CXCL13: variants seen among roughly 807,000 people sequenced by gnomAD.
CXCL13 encodes the protein C-X-C motif chemokine ligand 13, also known as C-X-C motif chemokine 13.
In CXCL13, 7 loss-of-function variants were observed where a neutral mutation model predicts 12.2. That is an observed-to-expected ratio of 0.57 (90% CI 0.33 to 1.07). The LOEUF is 1.07. Among genes scored for constraint, CXCL13 ranks in the 50% least tolerant of loss-of-function variants. The pLI, the probability that CXCL13 is intolerant of heterozygous loss-of-function variation, is 0.04. For missense variants in CXCL13, 113 were observed against 127.4 expected, an observed-to-expected ratio of 0.89 and a Z score of 0.55; for synonymous variants, 47 against 42.4, an observed-to-expected ratio of 1.11 and a Z score of -0.42.
chr4:77,540,701 C>A (rs1363809005), intron 1 of CXCL13, among the ~76,000 whole-genome samples: 5 of 152,146 alleles, frequency 3.3e-5, no homozygotes, highest in African/African-American at 9.7e-5. Context: ...TCTATGCCTG[C>A]TATTGTGAAT....
At chr4:77,584,092 C>G (rs958517473) in intron 1 of CXCL13, among the ~76,000 whole-genome samples, 3 of 152,178 alleles carry the variant, frequency 2.0e-5, no homozygotes, top group African/African-American at 7.2e-5. Flanking sequence ...GAGGTCCATT[C>G]CATGCCATTG....
intron 1 of CXCL13, among the ~76,000 whole-genome samples, chr4:77,524,712 C>G (rs1320292557): frequency 1.3e-5 from 2 of 152,140 alleles, no homozygotes; most frequent in Non-Finnish European, 2.9e-5. Flanking sequence ...TCAGCTCACC[C>G]TCTGTGGGCT....
At chr4:77,601,570 G>T (rs947285984), upstream of CXCL13, among the ~76,000 whole-genome samples, 1 of 152,236 alleles carries the variant, frequency 6.6e-6, no homozygotes, top group Admixed American at 6.5e-5. Context: ...GAACTCTGGA[G>T]TCATAATCTC....
chr4:77,540,473 GA>G (rs1725172092), intron 1 of CXCL13, among the ~76,000 whole-genome samples: 1 of 152,054 alleles, frequency 6.6e-6, no homozygotes, highest in Non-Finnish European at 1.5e-5. Context: ...TTACGTCCAT[GA>G]GTACCCAGTG....
intron 1 of CXCL13, among the ~76,000 whole-genome samples, chr4:77,583,476 T>C (rs1726384598): frequency 1.3e-5 from 2 of 152,130 alleles, no homozygotes; most frequent in South Asian, 2.1e-4. Context: ...AGAGTAAGGG[T>C]TGGAGAACAA....
intron 1 of CXCL13, among the ~76,000 whole-genome samples, chr4:77,533,323 T>A (rs1158727278): frequency 6.6e-6 from 1 of 152,202 alleles, no homozygotes; most frequent in African/African-American, 2.4e-5. Flanking sequence ...TGCCTGGGTA[T>A]CAGCAGCAGA....
At chr4:77,543,544 A>T (rs1596231) in intron 1 of CXCL13, among the ~76,000 whole-genome samples, 2 of 151,746 alleles carry the variant, frequency 1.3e-5, no homozygotes, top group African/African-American at 4.8e-5. Flanking sequence ...AGAGATTTTC[A>T]TTGTGTCTCT....
chr4:77,588,400 T>G (rs903614828), intron 1 of CXCL13, among the ~76,000 whole-genome samples: 5 of 152,176 alleles, frequency 3.3e-5, no homozygotes, highest in African/African-American at 1.2e-4. Flanking sequence ...GGGATTCAGG[T>G]GTGACACCTG....
upstream of CXCL13, among the ~76,000 whole-genome samples, chr4:77,603,991 C>T (rs186674719): frequency 5.3e-5 from 8 of 152,180 alleles, no homozygotes; most frequent in Non-Finnish European, 1.2e-4. Flanking sequence ...TGAGCTCAGA[C>T]TTTGTGCTGT....
intron 1 of CXCL13, among the ~76,000 whole-genome samples, chr4:77,572,260 G>C (rs1726104253): frequency 6.6e-6 from 1 of 151,832 alleles, no homozygotes; most frequent in African/African-American, 2.4e-5. Context: ...AATTAGCCAG[G>C]AGTGGTGGCA....
At chr4:77,602,325 A>G (rs544593351), upstream of CXCL13, among the ~76,000 whole-genome samples, 1 of 152,330 alleles carries the variant, frequency 6.6e-6, no homozygotes, top group East Asian at 1.9e-4. Context: ...TTTTACTAAA[A>G]TAAGGTATCT....
intron 1 of CXCL13, 143 bp from the exon 2 acceptor site, chr4:77,607,560 T>C (rs1043790046): frequency 1.5e-5 from 10 of 684,194 alleles, no homozygotes; most frequent in African/African-American, 1.4e-4. Flanking sequence ...AGCAGAAATA[T>C]ACAAACTAAA....
At position 77,611,361 on chromosome 4, in the gene CXCL13, G is replaced by A. The variant is rs1309710498; in HGVS notation, c.*322G>A. On this transcript the variant is annotated 3_prime_UTR_variant, in exon 4 of 4. Transcript: ENST00000682537. ...TGTTTAAAATTTCTTAGAAAACAAT[G>A]GAATGAGAATTTAAGCCTCAAATTT... 1 of 356,496 alleles carries A rather than the reference G, an allele frequency of 2.8e-6. No homozygotes were observed. Among genetic ancestry groups the A allele is most frequent in the Non-Finnish European group, 5.0e-6 (1 of 201,284 alleles). 22.1% of individuals were successfully genotyped at this position (356,496 alleles called of 1,614,324 possible). A position where few individuals can be genotyped will look rare whatever the true frequency, so the allele number is the denominator to read the frequency against.
intron 1 of CXCL13, among the ~76,000 whole-genome samples, chr4:77,521,030 C>A (rs193258185): frequency 7.9e-5 from 12 of 152,070 alleles, no homozygotes; most frequent in African/African-American, 2.9e-4. Flanking sequence ...TATTGATTTG[C>A]GTATGTTGAA....
At chr4:77,595,778 G>T (rs1349424631) in intron 1 of CXCL13, among the ~76,000 whole-genome samples, 1 of 152,194 alleles carries the variant, frequency 6.6e-6, no homozygotes, top group African/African-American at 2.4e-5. Flanking sequence ...CTGTGAGGAT[G>T]CTGTTCTGTC....
chr4:77,594,852 C>T (rs534440368), intron 1 of CXCL13, among the ~76,000 whole-genome samples: 1 of 152,172 alleles, frequency 6.6e-6, no homozygotes, highest in African/African-American at 2.4e-5. Context: ...CAAACCACCA[C>T]AGCACCTGTT....
chr4:77,522,998 G>A (rs939841166), intron 1 of CXCL13, among the ~76,000 whole-genome samples: 1 of 152,088 alleles, frequency 6.6e-6, no homozygotes, highest in Admixed American at 6.5e-5. Flanking sequence ...TAAATTCTAG[G>A]TTGAAAATTC....
At chr4:77,610,836 A>C in intron 3 of CXCL13, 142 bp downstream of exon 3, 1 of 893,242 alleles carries the variant, frequency 1.1e-6, no homozygotes, top group Non-Finnish European at 1.8e-6. Context: ...ATTGCTTATC[A>C]GATGGAGTAG....
intron 1 of CXCL13, among the ~76,000 whole-genome samples, chr4:77,524,791 G>A (rs1724720409): frequency 6.6e-6 from 1 of 152,148 alleles, no homozygotes; most frequent in Non-Finnish European, 1.5e-5. Context: ...GAAGTCCCCT[G>A]TCTTCTGCAT....
Sources: gnomAD v4.1 joint callset for allele counts (sites outside exome capture counted in the v4.1 genomes callset) on GRCh38, gnomAD v4.1.1 for gene constraint, MANE v1.5 for transcripts, NCBI Gene and HGNC (gene_info 2026-07-23, HGNC 2026-07-21) for gene names.